Variants in QKI observed in about 807,000 individuals in gnomAD.
QKI encodes the protein QKI, KH domain containing RNA binding.
QKI carries 10 observed loss-of-function variants against 39.0 expected under a neutral mutation model. That is an observed-to-expected ratio of 0.26 (90% CI 0.16 to 0.43). The LOEUF is 0.43. Among genes scored for constraint, QKI ranks in the 20% least tolerant of loss-of-function variants. The pLI is 1.00. For synonymous variants in QKI, 204 were observed against 155.4 expected (o/e 1.31, Z -2.33); for missense variants, 218 against 428.0 (o/e 0.51, Z 4.33).
At chr6:163,535,300 T>A (rs1781123873) in intron 4 of QKI, among the ~76,000 whole-genome samples, 175 bp downstream of exon 4, 1 of 152,142 alleles carries the variant, frequency 6.6e-6, no homozygotes, top group Non-Finnish European at 1.5e-5. Flanking sequence ...AAAGTTCGTA[T>A]TTAGGGGTCC....
chr6:163,519,588 C>T (rs982307244), intron 3 of QKI, among the ~76,000 whole-genome samples: 8 of 151,480 alleles, frequency 5.3e-5, no homozygotes, highest in African/African-American at 1.9e-4. Context: ...ATCTACCATT[C>T]AGGCTTACTA....
chr6:163,432,599 C>T lies in QKI; in HGVS notation c.142+17264C>T, dbSNP rs147764845. On this transcript the variant is annotated intron_variant, in intron 1 of 7. Coordinates refer to ENST00000361752, the MANE Select transcript of QKI (RefSeq NM_006775.3). ...TTTTTTGGTAAGAGACAGGGTCTCA[C>T]GATATTGCCCAGCCTGGTCTTAAAC... Among the ~76,000 whole-genome samples the T allele has an allele frequency of 6.5e-4, 99 of 152,122 alleles. 1 individual carries two copies. Among genetic ancestry groups the T allele is most frequent in the African/African-American group, 1.5e-3 (61 of 41,514 alleles).
intron 3 of QKI, among the ~76,000 whole-genome samples, chr6:163,499,126 T>A (rs996582715): frequency 3.3e-5 from 5 of 152,208 alleles, no homozygotes; most frequent in African/African-American, 1.2e-4. Context: ...TGTGTCATTT[T>A]GAAGCGTTTT....
chr6:163,451,257 C>T (rs1790540163), intron 1 of QKI, among the ~76,000 whole-genome samples: 1 of 152,192 alleles, frequency 6.6e-6, no homozygotes, highest in East Asian at 1.9e-4. Context: ...AACATCATCA[C>T]CTCTTAAACA....
intron 4 of QKI, among the ~76,000 whole-genome samples, chr6:163,537,512 A>AAAATT (rs1319102598): frequency 1.2e-4 from 18 of 152,240 alleles, no homozygotes; most frequent in Middle Eastern, 3.2e-3. Context: ...TTTTATCTTG[A>AAAATT]AATGTACCTT....
chr6:163,563,376 C>T, intron 5 of QKI, 44 bp from the exon 6 acceptor site: 1 of 1,486,580 alleles, frequency 6.7e-7, no homozygotes, highest in Non-Finnish European at 9.1e-7. Context: ...GTATTTTATA[C>T]TGCTGTCTCT....
At chr6:163,521,702 T>G (rs781336214) in intron 3 of QKI, among the ~76,000 whole-genome samples, 2 of 152,066 alleles carry the variant, frequency 1.3e-5, no homozygotes, top group African/African-American at 2.4e-5. Context: ...TTTGTACTTT[T>G]AGTAGACAGG....
chr6:163,415,512 C>T (rs1024470834), intron 1 of QKI, among the ~76,000 whole-genome samples, 177 bp downstream of exon 1: 1 of 149,200 alleles, frequency 6.7e-6, no homozygotes, highest in Non-Finnish European at 1.5e-5. Flanking sequence ...GGCGGGCGGG[C>T]GGGCCGGGGT....
In QKI at chr6:163,550,438, A is replaced by G. The variant is rs564264542; in HGVS notation, c.547-11544A>G. 3.9e-5 allele frequency among the ~76,000 whole-genome samples: 6 copies of G among 152,308 alleles called. No homozygotes were observed. In the South Asian group the frequency reaches 6.2e-4, roughly 16 times the overall value. On this transcript the variant is annotated intron_variant, in intron 4 of 7. Transcript: ENST00000361752. ...GGAGGGGACATTTAAACCATAGCAC[A>G]TAGTAACAAAGCTACTTTTTCTTAC...
Position 163,415,340 on chromosome 6 carries a change from G to A in QKI, c.142+5G>A, listed in dbSNP as rs537188218. ...TCGAGCGGCTGCTGGACGAAGGTGA[G>A]CGTCTCCAGGGCCCCGGCCCCGGCC... On this transcript the variant is annotated splice_donor_5th_base_variant and intron_variant, in intron 1 of 7. Coordinates refer to ENST00000361752, the MANE Select transcript of QKI (RefSeq NM_006775.3). 7 of 1,585,216 alleles carry A rather than the reference G, an allele frequency of 4.4e-6. No individual in the cohort carries two copies. The highest frequency in any genetic ancestry group is 1.1e-5 in the South Asian group (1 of 89,870).
At chr6:163,502,377 A>C (rs531235847) in intron 3 of QKI, among the ~76,000 whole-genome samples, 1 of 152,144 alleles carries the variant, frequency 6.6e-6, no homozygotes, top group Non-Finnish European at 1.5e-5. Context: ...TATATTCTTA[A>C]TATTGGTTAA....
chr6:163,570,775 C>T lies in QKI; in HGVS notation c.*65C>T. On this transcript the variant is annotated 3_prime_UTR_variant, in exon 8 of 8. Transcript: ENST00000361752. ...GACCTGACCATGCCTGCCTGCTGATCAGTTAACTGGTAATCGCCTTTGCTT... is the reference window on the plus strand; with the variant it reads ...GACCTGACCATGCCTGCCTGCTGATTAGTTAACTGGTAATCGCCTTTGCTT... 1 of 1,595,674 alleles carries T rather than the reference C, an allele frequency of 6.3e-7. No individual in the cohort carries two copies. Among genetic ancestry groups the T allele is most frequent in the Non-Finnish European group, 8.6e-7 (1 of 1,169,320 alleles).
intron 3 of QKI, among the ~76,000 whole-genome samples, chr6:163,516,891 A>G (rs1779835268): frequency 6.6e-6 from 1 of 152,092 alleles, no homozygotes; most frequent in Admixed American, 6.5e-5. Flanking sequence ...ACATATCATA[A>G]TGTTAGCCTC....
chr6:163,417,508 A>G (rs776919905), intron 1 of QKI, among the ~76,000 whole-genome samples: 7 of 152,166 alleles, frequency 4.6e-5, no homozygotes, highest in Non-Finnish European at 8.8e-5. Context: ...AAATCTCTAA[A>G]TTTAGAGCTG....
chr6:163,564,951 G>A, intron 6 of QKI: 1 of 1,318,376 alleles, frequency 7.6e-7, no homozygotes, highest in Non-Finnish European at 9.7e-7. Context: ...TTAATGAACT[G>A]GAGAACACTA....
At chr6:163,557,399 A>G (rs1782697618) in intron 4 of QKI, among the ~76,000 whole-genome samples, 1 of 152,190 alleles carries the variant, frequency 6.6e-6, no homozygotes, top group African/African-American at 2.4e-5. Flanking sequence ...ATGAAACTGG[A>G]GGTCATTATG....
chr6:163,456,178 C>T (rs552449919), intron 2 of QKI, among the ~76,000 whole-genome samples: 7 of 152,192 alleles, frequency 4.6e-5, no homozygotes, highest in Non-Finnish European at 7.3e-5. Context: ...TCAAATGTCA[C>T]TTCAGAGAGG....
At chr6:163,426,574 G>A (rs783136) in intron 1 of QKI, among the ~76,000 whole-genome samples, 52,880 of 151,828 alleles carry the variant, frequency 0.35, 10,024 homozygotes, top group African/African-American at 0.48. Context: ...AAGGTGCCCC[G>A]TCAACATTCA....
chr6:163,450,869 A>G (rs1316740126), intron 1 of QKI, among the ~76,000 whole-genome samples: 1 of 152,220 alleles, frequency 6.6e-6, no homozygotes, highest in South Asian at 2.1e-4. Flanking sequence ...TCCTAAGCAG[A>G]TTATTTCCTA....
Sources: gnomAD v4.1 joint callset for allele counts (sites outside exome capture counted in the v4.1 genomes callset) on GRCh38, gnomAD v4.1.1 for gene constraint, MANE v1.5 for transcripts, NCBI Gene and HGNC (gene_info 2026-07-23, HGNC 2026-07-21) for gene names.